Variants in RASSF4 observed in about 807,000 individuals in gnomAD.
RASSF4 encodes Ras association domain family member 4.
A neutral mutation model predicts 41.1 loss-of-function variants in RASSF4; 38 were observed. That is an observed-to-expected ratio of 0.92 (90% CI 0.71 to 1.21). RASSF4 has a LOEUF of 1.21. RASSF4 is among the 50% of genes most tolerant of loss of function. RASSF4 has a pLI of 0.00. For synonymous variants in RASSF4, 179 were observed against 163.4 expected, an observed-to-expected ratio of 1.10 and a Z score of -0.73; for missense variants, 414 against 419.4, an observed-to-expected ratio of 0.99 and a Z score of 0.11.
At chr10:44,982,835 G>A in intron 4 of RASSF4, 172 bp downstream of exon 4, 1 of 750,810 alleles carries the variant, frequency 1.3e-6, no homozygotes, top group Non-Finnish European at 2.3e-6. Context: ...CGCCCAGGGT[G>A]GCCTCTCCCT....
At position 44,970,248 on chromosome 10, in the gene RASSF4, A is replaced by T. The variant is rs1432314371; in HGVS notation, c.46A>T (p.Ser16Cys). 1.2e-6 allele frequency: 2 copies of T among 1,614,058 alleles called. No individual in the cohort carries two copies. The highest frequency in any genetic ancestry group is 3.3e-5 in the Admixed American group (2 of 60,012). Reference protein sequence around the residue: ...LPSSHVPISDSKSIQKSELLG... With the variant: ...LPSSHVPISDCKSIQKSELLG... ...GAGTTCTCACGTGCCCATCAGTGAC[A>T]GCAAGTCCATTCAGAAGTAAGCCTT... is the stretch of plus-strand genomic sequence containing the variant. Residue 16 changes from serine to cysteine, a missense_variant, in exon 2 of 11, where the codon AGC becomes TGC. Physicochemically the swap from Ser to Cys is moderately radical, Grantham distance 112. Transcript: ENST00000340258.
intron 3 of RASSF4, chr10:44,978,801 G>A (rs1218504957): frequency 6.6e-6 from 1 of 152,246 alleles, no homozygotes; most frequent in Non-Finnish European, 1.5e-5. Context: ...GCTCTTCCCT[G>A]AGCAGTGTGA....
At chr10:44,992,053 C>A in intron 10 of RASSF4, 51 bp downstream of exon 10, 1 of 1,216,518 alleles carries the variant, frequency 8.2e-7, no homozygotes, top group Non-Finnish European at 1.2e-6. Flanking sequence ...CAGGGCAGGT[C>A]TGCAAAGCAC....
intron 6 of RASSF4, among the ~76,000 whole-genome samples, chr10:44,986,649 A>C (rs978651006): frequency 6.6e-6 from 1 of 152,254 alleles, no homozygotes; most frequent in African/African-American, 2.4e-5. Flanking sequence ...GAAAAGCACT[A>C]TGCAAAAAGC....
In RASSF4 at chr10:44,989,701, A is replaced by G; in HGVS notation, c.665A>G (p.Tyr222Cys). The change falls in exon 8 of 11, where the codon TAC becomes TGC. Residue 222 changes from tyrosine (Y) to cysteine (C), a missense_variant. Tyr to Cys is a radical substitution (Grantham distance 194, BLOSUM62 -2). Coordinates refer to ENST00000340258, the MANE Select transcript of RASSF4 (RefSeq NM_032023.4). ...VEDGPSEFAL[Y>C]IVHESGERTK... ...GATGGCCCCAGTGAGTTCGCACTCTACATCGTTCACGAGTCTGGGGGTAAG... is the reference window on the plus strand; with the variant it reads ...GATGGCCCCAGTGAGTTCGCACTCTGCATCGTTCACGAGTCTGGGGGTAAG... 3.1e-6 allele frequency: 5 copies of G among 1,614,152 alleles called. No individual in the cohort carries two copies. The highest frequency in any genetic ancestry group is 4.2e-6 in the Non-Finnish European group (5 of 1,180,008).
chr10:44,965,371 G>A (rs557735980), intron 1 of RASSF4, among the ~76,000 whole-genome samples: 25 of 152,248 alleles, frequency 1.6e-4, no homozygotes, highest in African/African-American at 5.8e-4. Context: ...AAGGGGAGGG[G>A]GCCTGGCTGC....
chr10:44,975,015 A>G (rs1564456532), intron 3 of RASSF4, among the ~76,000 whole-genome samples: 1 of 152,168 alleles, frequency 6.6e-6, no homozygotes. Context: ...GTGTAAACCC[A>G]TGGCTCTGGA....
At chr10:44,966,568 C>A (rs1365353151) in intron 1 of RASSF4, among the ~76,000 whole-genome samples, 5 of 152,090 alleles carry the variant, frequency 3.3e-5, no homozygotes. Context: ...GTTTCTTTAA[C>A]CAAGGGGTGC....
At chr10:44,992,548 G>A (rs979553278) in intron 10 of RASSF4, among the ~76,000 whole-genome samples, 2 of 152,240 alleles carry the variant, frequency 1.3e-5, no homozygotes, top group East Asian at 1.9e-4. Context: ...GCCAGGGTCC[G>A]GATGCATGAG....
At position 44,970,263 on chromosome 10, in the gene RASSF4, A is replaced by G. The variant is rs773063341; in HGVS notation, c.61A>G (p.Lys21Glu). ...VPISDSKSIQKSELLGLLKTY... is the reference protein window; with the variant it reads ...VPISDSKSIQESELLGLLKTY... ...CATCAGTGACAGCAAGTCCATTCAGAAGTAAGCCTTGGTGTGCAGGTTGGG... is the reference window on the plus strand; with the variant it reads ...CATCAGTGACAGCAAGTCCATTCAGGAGTAAGCCTTGGTGTGCAGGTTGGG... The change falls in exon 2 of 11, where the codon AAG becomes GAG. Residue 21 changes from lysine (K) to glutamate (E), a missense_variant and splice_region_variant. Coordinates refer to ENST00000340258, the MANE Select transcript of RASSF4 (RefSeq NM_032023.4). 2 of 1,613,638 alleles carry G rather than the reference A, an allele frequency of 1.2e-6. No homozygotes were observed. Among genetic ancestry groups the G allele is most frequent in the Non-Finnish European group, 1.7e-6 (2 of 1,179,544 alleles).
chr10:44,963,614 G>A (rs1354181346), intron 1 of RASSF4, among the ~76,000 whole-genome samples: 3 of 152,196 alleles, frequency 2.0e-5, no homozygotes, highest in Non-Finnish European at 2.9e-5. Flanking sequence ...CTCCACCAGC[G>A]GGAGCAGCTC....
rs1841544377 is a variant in RASSF4 at position 44,978,361 on chromosome 10, G to A, written c.139-4160G>A. 4.1e-5 allele frequency: 11 copies of A among 270,424 alleles called. No individual in the cohort carries two copies. In the South Asian group the frequency reaches 8.2e-4, roughly 20 times the overall value. 16.8% of individuals were successfully genotyped at this position (270,424 alleles called of 1,614,324 possible). On this transcript the variant is annotated intron_variant, in intron 3 of 10. Transcript: ENST00000340258. ...CAGGATCGGCCACGCACTGACCATG[G>A]GACCTTTGGCAAGGCCACCTCTCCA... is the stretch of plus-strand genomic sequence containing the variant.
At chr10:44,978,238 C>T (rs930232336) in intron 3 of RASSF4, 1 of 560,102 alleles carries the variant, frequency 1.8e-6, no homozygotes, top group African/African-American at 1.9e-5. Context: ...GTTAAAAACC[C>T]CAAAGGCTTA....
chr10:44,967,110 G>A (rs746745340), intron 1 of RASSF4, among the ~76,000 whole-genome samples: 8 of 152,158 alleles, frequency 5.3e-5, no homozygotes, highest in Non-Finnish European at 8.8e-5. Context: ...GGCTTGTCAC[G>A]GCAGAGGTTT....
intron 3 of RASSF4, 56 bp downstream of exon 3, chr10:44,971,904 G>T: frequency 8.0e-7 from 1 of 1,242,444 alleles, no homozygotes; most frequent in Non-Finnish European, 1.2e-6. Context: ...GGCCCTGCCT[G>T]ATACCTGTTG....
chr10:44,982,285 G>C, intron 3 of RASSF4: 1 of 569,056 alleles, frequency 1.8e-6, no homozygotes, highest in South Asian at 2.1e-5. Context: ...CTCAGCCACT[G>C]TGTTCTGCGC....
intron 6 of RASSF4, among the ~76,000 whole-genome samples, chr10:44,985,237 C>T (rs988470134): frequency 6.6e-6 from 1 of 152,212 alleles, no homozygotes; most frequent in Non-Finnish European, 1.5e-5. Context: ...ACCGTGTCTT[C>T]AATGAGGGCG....
intron 1 of RASSF4, among the ~76,000 whole-genome samples, chr10:44,969,042 AGT>A (rs1466220293): frequency 6.7e-6 from 1 of 149,122 alleles, no homozygotes; most frequent in Non-Finnish European, 1.5e-5. Flanking sequence ...GTATGTGTTA[AGT>A]GTGAGTGTGT....
intron 3 of RASSF4, chr10:44,977,898 A>C (rs1392031597): frequency 6.2e-6 from 10 of 1,612,476 alleles, no homozygotes. Flanking sequence ...GCCAGTCGAG[A>C]TATAGACCTC....
Sources: allele counts gnomAD v4.1 joint callset (sites outside exome capture counted in the v4.1 genomes callset), GRCh38; gene constraint gnomAD v4.1.1; transcripts MANE v1.5; gene names NCBI Gene and HGNC (gene_info 2026-07-23, HGNC 2026-07-21).